ADAMTS3: variants seen among roughly 807,000 people sequenced by gnomAD.
The protein encoded by ADAMTS3 is A disintegrin and metalloproteinase with thrombospondin motifs 3.
In ADAMTS3, 73 loss-of-function variants were observed where a neutral mutation model predicts 129.0. That is an observed-to-expected ratio of 0.57 (90% confidence interval 0.47 to 0.69). ADAMTS3 has a LOEUF of 0.69. Among genes scored for constraint, ADAMTS3 ranks in the 30% least tolerant of loss-of-function variants. The pLI is 0.00. For synonymous variants in ADAMTS3, 477 were observed against 510.8 expected (o/e 0.93, Z 0.89); for missense variants, 1,457 against 1,514.5 (o/e 0.96, Z 0.63).
intron 4 of ADAMTS3, among the ~76,000 whole-genome samples, chr4:72,358,262 CT>C (rs1720632040): frequency 6.6e-6 from 1 of 151,888 alleles, no homozygotes; most frequent in African/African-American, 2.4e-5. Context: ...CTTTATAGAT[CT>C]TTAAATAAAA....
chr4:72,510,397 T>A (rs1720281143), intron 3 of ADAMTS3, among the ~76,000 whole-genome samples: 1 of 151,974 alleles, frequency 6.6e-6, no homozygotes, highest in African/African-American at 2.4e-5. Flanking sequence ...CAAAAAACTA[T>A]TAGAAATGAT....
chr4:72,513,024 T>C (rs1286186081), intron 3 of ADAMTS3, among the ~76,000 whole-genome samples: 1 of 152,132 alleles, frequency 6.6e-6, no homozygotes, highest in East Asian at 1.9e-4. Flanking sequence ...CACTCCTTAA[T>C]TCTATCTATT....
chr4:72,465,821 G>T (rs909164143), intron 3 of ADAMTS3, among the ~76,000 whole-genome samples: 3 of 151,944 alleles, frequency 2.0e-5, no homozygotes, highest in African/African-American at 7.2e-5. Context: ...CCCCCATACT[G>T]TTCTCATGGT....
chr4:72,393,657 A>G (rs941298585), intron 4 of ADAMTS3, among the ~76,000 whole-genome samples: 1 of 152,204 alleles, frequency 6.6e-6, no homozygotes, highest in Non-Finnish European at 1.5e-5. Context: ...TCCTTTCCAT[A>G]TACAGAATAT....
intron 3 of ADAMTS3, among the ~76,000 whole-genome samples, chr4:72,512,677 C>T (rs1720347460): frequency 6.6e-6 from 1 of 152,100 alleles, no homozygotes; most frequent in African/African-American, 2.4e-5. Flanking sequence ...GTGCTTATTT[C>T]ACCTTGCATG....
chr4:72,382,523 C>A (rs1218148993), intron 4 of ADAMTS3, among the ~76,000 whole-genome samples: 1 of 152,024 alleles, frequency 6.6e-6, no homozygotes, highest in Non-Finnish European at 1.5e-5. Flanking sequence ...CCAGCAATCT[C>A]GCTACTGGGT....
chr4:72,311,239 ATAGTT>A (rs1483380783), intron 13 of ADAMTS3, 58 bp from the exon 14 acceptor site: 4 of 1,431,636 alleles, frequency 2.8e-6, no homozygotes, highest in Non-Finnish European at 3.8e-6. Context: ...TTTGAACAGC[ATAGTT>A]TATTTTATTT....
At position 72,417,931 on chromosome 4, in the gene ADAMTS3, T is replaced by TTAAAAAAAAAAA. The variant is rs76545577; in HGVS notation, c.505-2961_505-2960insTTTTTTTTTTTA. Among the ~76,000 whole-genome samples the TTAAAAAAAAAAA allele has an allele frequency of 1.1e-3, 107 of 100,672 alleles. 25 individuals are homozygous for TTAAAAAAAAAAA. The highest frequency in any genetic ancestry group is 1.6e-3 in the East Asian group (6 of 3,710). The allele number at this position is 100,672 out of a possible 152,430, so 66.0% of individuals were successfully genotyped here. ...CTGGGCGACAGAGGGAGACTCCATC[T>TTAAAAAAAAAAA]CAAAAAAAAAAAAGTAAGTACTTTA... On this transcript the variant is annotated intron_variant, in intron 3 of 21. Transcript: ENST00000286657.
intron 3 of ADAMTS3, among the ~76,000 whole-genome samples, chr4:72,462,380 T>C (rs1043483662): frequency 5.3e-5 from 8 of 152,030 alleles, no homozygotes; most frequent in Non-Finnish European, 1.2e-4. Flanking sequence ...AGTCTCATCA[T>C]AGCCCTTGGC....
rs111477883 is a variant in ADAMTS3 at position 72,399,841 on chromosome 4, A to G, written c.661+14974T>C. Among the ~76,000 whole-genome samples the G allele has an allele frequency of 3.2e-3, 251 of 79,584 alleles. 7 individuals carry two copies. The highest frequency in any genetic ancestry group is 7.1e-3 in the Middle Eastern group (1 of 140). 52.2% of individuals were successfully genotyped at this position (79,584 alleles called of 152,430 possible). Reference sequence around the variant, plus strand: ...TGTGTATATACGTGTGTATATATATACACACACGGTGTGTATATACGTGTG... The same window carrying G: ...TGTGTATATACGTGTGTATATATATGCACACACGGTGTGTATATACGTGTG... On this transcript the variant is annotated intron_variant, in intron 4 of 21. Transcript: ENST00000286657.
intron 3 of ADAMTS3, chr4:72,441,578 T>C (rs1718117666): frequency 6.6e-6 from 1 of 151,818 alleles, no homozygotes; most frequent in South Asian, 2.1e-4. Flanking sequence ...CTGCTCTTTG[T>C]GTCCTACTGA....
rs187602844 is a variant in ADAMTS3 at position 72,447,176 on chromosome 4, C to T, written c.505-32205G>A. 8.3e-4 allele frequency among the ~76,000 whole-genome samples: 126 copies of T among 151,790 alleles called. 1 individual carries two copies. The highest frequency in any genetic ancestry group is 2.8e-3 in the African/African-American group (115 of 41,490). On this transcript the variant is annotated intron_variant, in intron 3 of 21. Coordinates refer to ENST00000286657, the MANE Select transcript of ADAMTS3 (RefSeq NM_014243.3). ...ATTGCAGATTATACAAGGGCTCTAGCCTCAGCCAGCATTTACTAAATAAAT... is the reference window on the plus strand; with the variant it reads ...ATTGCAGATTATACAAGGGCTCTAGTCTCAGCCAGCATTTACTAAATAAAT...
At chr4:72,398,704 T>A (rs1406734806) in intron 4 of ADAMTS3, among the ~76,000 whole-genome samples, 1 of 152,204 alleles carries the variant, frequency 6.6e-6, no homozygotes, top group East Asian at 1.9e-4. Context: ...CACATCTTTA[T>A]GAAAGTTCAT....
intron 3 of ADAMTS3, among the ~76,000 whole-genome samples, chr4:72,440,416 A>T (rs1459467629): frequency 6.6e-6 from 1 of 151,828 alleles, no homozygotes; most frequent in Non-Finnish European, 1.5e-5. Context: ...AAGTTGTTGC[A>T]TAGGGGAAAA....
At chr4:72,288,626 A>G (rs1718573505) in intron 21 of ADAMTS3, 125 bp downstream of exon 21, 1 of 670,592 alleles carries the variant, frequency 1.5e-6, no homozygotes, top group Non-Finnish European at 2.7e-6. Context: ...AATATTTCAC[A>G]GGTGTTTTCC....
At chr4:72,391,061 A>C (rs1721580712) in intron 4 of ADAMTS3, among the ~76,000 whole-genome samples, 2 of 152,270 alleles carry the variant, frequency 1.3e-5, no homozygotes, top group South Asian at 2.1e-4. Context: ...CAGTTTGCAC[A>C]TTGGTCCACA....
intron 3 of ADAMTS3, among the ~76,000 whole-genome samples, chr4:72,479,226 G>A (rs982785331): frequency 3.9e-5 from 6 of 152,014 alleles, no homozygotes; most frequent in East Asian, 1.9e-4. Context: ...AAAAGAGCCC[G>A]CATTGCCAAG....
Position 72,304,099 on chromosome 4 carries a change from G to A in ADAMTS3, c.2261-19C>T, listed in dbSNP as rs920125521. The A allele has an allele frequency of 1.2e-6, 2 of 1,609,498 alleles. No homozygotes were observed. The highest frequency in any genetic ancestry group is 1.7e-6 in the Non-Finnish European group (2 of 1,177,050). On this transcript the variant is annotated intron_variant, in intron 16 of 21. Transcript: ENST00000286657. ...TTAATAGCTAAAGGGAGAAAAATGA[G>A]TAACCAGCATACATTTTATTTTATC... is the stretch of plus-strand genomic sequence containing the variant.
chr4:72,455,677 C>G (rs920814178), intron 3 of ADAMTS3, among the ~76,000 whole-genome samples: 2 of 146,242 alleles, frequency 1.4e-5, no homozygotes, highest in Admixed American at 7.0e-5. Context: ...AAAAAGATTA[C>G]CTTTCTTCCG....
Sources: allele counts gnomAD v4.1 joint callset (sites outside exome capture counted in the v4.1 genomes callset), GRCh38; gene constraint gnomAD v4.1.1; transcripts MANE v1.5; gene names NCBI Gene and HGNC (gene_info 2026-07-23, HGNC 2026-07-21).